SLC12A3: variants seen among roughly 807,000 people sequenced by gnomAD.
The protein encoded by SLC12A3 is solute carrier family 12 member 3.
Under a neutral mutation model 121.0 loss-of-function variants are expected in SLC12A3, and 104 were observed. That is an observed-to-expected ratio of 0.86 (90% CI 0.73 to 1.01). The LOEUF (loss-of-function observed/expected upper bound fraction) is 1.01. SLC12A3 is among the 50% of genes least tolerant of loss of function. The pLI, the probability that SLC12A3 is intolerant of heterozygous loss-of-function variation, is 0.00. For synonymous variants in SLC12A3, 536 were observed against 533.4 expected, an observed-to-expected ratio of 1.00 and a Z score of -0.07; for missense variants, 1,328 against 1,356.3, an observed-to-expected ratio of 0.98 and a Z score of 0.33.
At position 56,872,304 on chromosome 16, in the gene SLC12A3, A is replaced by T. The variant is rs545877604; in HGVS notation, c.853-47A>T. ...CATTTTCTGGCGGGGCTTCCCAGAG[A>T]GGTAGAACAAAACTATCTGACCTCT... On this transcript the variant is annotated intron_variant, in intron 6 of 25. Transcript: ENST00000563236. 8.1e-6 allele frequency: 11 copies of T among 1,358,974 alleles called. No homozygotes were observed. In the East Asian group the frequency reaches 2.3e-4, roughly 28 times the overall value. The allele number at this position is 1,358,974 out of a possible 1,614,324, so 84.2% of individuals were successfully genotyped here.
At chr16:56,868,856 C>T (rs1964422314) in intron 3 of SLC12A3, among the ~76,000 whole-genome samples, 1 of 151,960 alleles carries the variant, frequency 6.6e-6, no homozygotes, top group Non-Finnish European at 1.5e-5. Context: ...GCCTGTAATC[C>T]CAGCTACTCG....
rs561793176 is a variant in SLC12A3, at chr16:56,884,280, G to T, written c.1825+76G>T. Reference sequence around the variant, plus strand: ...GCAGGCGGCCCTGCCCTCCGCCCCAGTTGGAGGGCCCTGAGTCCGGCTCTG... The same window carrying T: ...GCAGGCGGCCCTGCCCTCCGCCCCATTTGGAGGGCCCTGAGTCCGGCTCTG... On this transcript the variant is annotated intron_variant, in intron 14 of 25. Coordinates refer to ENST00000563236, the MANE Select transcript of SLC12A3 (RefSeq NM_001126108.2). The T allele has an allele frequency of 8.1e-5, 121 of 1,492,134 alleles. 1 individual carries two copies. In the South Asian group the frequency reaches 1.3e-3, roughly 16 times the overall value. The allele number at this position is 1,492,134 out of a possible 1,614,324, so 92.4% of individuals were successfully genotyped here.
chr16:56,886,197 G>C (rs1482084545), intron 15 of SLC12A3, among the ~76,000 whole-genome samples, 167 bp from the exon 16 acceptor site: 1 of 152,182 alleles, frequency 6.6e-6, no homozygotes, highest in Non-Finnish European at 1.5e-5. Flanking sequence ...AGCAGGAAGA[G>C]CCCCAAAAGT....
Position 56,899,656 on chromosome 16 carries a change from T to C in SLC12A3, c.2720+40T>C, listed in dbSNP as rs1250243334. 2.1e-6 allele frequency: 3 copies of C among 1,441,500 alleles called. No individual in the cohort carries two copies. The Admixed American group carries it at 5.0e-5, about 24-fold the overall frequency. The allele number at this position is 1,441,500 out of a possible 1,614,324, so 89.3% of individuals were successfully genotyped here. ...GGGGCTTCCAGGCAGAAGGGCCAAC[T>C]GTGTGCCTGGAGACCCCTCTGCCGG... On this transcript the variant is annotated intron_variant, in intron 23 of 25. Coordinates refer to ENST00000563236, the MANE Select transcript of SLC12A3 (RefSeq NM_001126108.2).
At chr16:56,889,616 G>A (rs1450183540) in intron 18 of SLC12A3, among the ~76,000 whole-genome samples, 1 of 152,188 alleles carries the variant, frequency 6.6e-6, no homozygotes, top group East Asian at 1.9e-4. Flanking sequence ...TGTGATTACA[G>A]GTGCCCACCA....
intron 3 of SLC12A3, among the ~76,000 whole-genome samples, chr16:56,869,254 C>T (rs1179642823): frequency 6.6e-6 from 1 of 152,186 alleles, no homozygotes; most frequent in African/African-American, 2.4e-5. Flanking sequence ...GTAGCTTCCC[C>T]TCCATACCTA....
At chr16:56,911,307 TTTTGTTTGTTTGTTTG>T (rs10695057) in intron 25 of SLC12A3, among the ~76,000 whole-genome samples, 1,750 of 148,432 alleles carry the variant, frequency 0.012, 39 homozygotes, top group African/African-American at 0.04. Context: ...TTTTGAGACC[TTTTGTTTGTTTGTTTG>T]TTTGTTTGTT....
intron 12 of SLC12A3, among the ~76,000 whole-genome samples, chr16:56,881,450 G>C (rs183733392): frequency 2.6e-4 from 40 of 152,212 alleles, no homozygotes; most frequent in African/African-American, 8.9e-4. Flanking sequence ...CATCTGGGGG[G>C]GGGTCTGACT....
intron 22 of SLC12A3, among the ~76,000 whole-genome samples, chr16:56,897,925 C>G (rs563661250): frequency 6.6e-6 from 1 of 152,374 alleles, no homozygotes; most frequent in Non-Finnish European, 1.5e-5. Context: ...CAAAATTTCA[C>G]TCCCCAAGAT....
Position 56,882,386 on chromosome 16 carries a change from G to C in SLC12A3, c.1568-10G>C. On this transcript the variant is annotated splice_polypyrimidine_tract_variant and intron_variant, in intron 12 of 25. Coordinates refer to ENST00000563236, the MANE Select transcript of SLC12A3 (RefSeq NM_001126108.2). The stretch of plus-strand genomic sequence containing the variant: ...AACAGGCTGTCCTCTCTCTCCCTGG[G>C]TCCCCGAAGCTGAGCTCAACACCAT... 1 of 1,611,136 alleles carries C rather than the reference G, an allele frequency of 6.2e-7. No homozygotes were observed. The highest frequency in any genetic ancestry group is 1.3e-5 in the African/African-American group (1 of 74,964).
Position 56,873,319 on chromosome 16 carries a change from C to G in SLC12A3, c.1095+533C>G, listed in dbSNP as rs1448971311. ...TTGCCTGTGCTGCGCTCTCTACCTGCAACTCCGTACGCTTGCTTTTTTACC... is the reference window on the plus strand; with the variant it reads ...TTGCCTGTGCTGCGCTCTCTACCTGGAACTCCGTACGCTTGCTTTTTTACC... On this transcript the variant is annotated intron_variant, in intron 8 of 25. Coordinates refer to ENST00000563236, the MANE Select transcript of SLC12A3 (RefSeq NM_001126108.2). Among the ~76,000 whole-genome samples the G allele has an allele frequency of 5.9e-5, 9 of 151,830 alleles. 1 individual carries two copies. The highest frequency in any genetic ancestry group is 5.9e-4 in the Admixed American group (9 of 15,244).
At chr16:56,904,500 C>T (rs1172779529) in intron 25 of SLC12A3, 38 bp downstream of exon 25, 4 of 1,596,742 alleles carry the variant, frequency 2.5e-6, no homozygotes, top group African/African-American at 2.7e-5. Flanking sequence ...CCAGTCTGTC[C>T]AGAGTCAGGT....
At chr16:56,901,345 C>CTTTTTTTTTTTTT (rs1408480661) in intron 23 of SLC12A3, among the ~76,000 whole-genome samples, 882 of 83,932 alleles carry the variant, frequency 0.011, 51 homozygotes, top group African/African-American at 0.05. Context: ...ATCTCTCTCT[C>CTTTTTTTTTTTTT]TCTTTTTTTT....
At chr16:56,871,516 C>A (rs1258165318) in intron 6 of SLC12A3, among the ~76,000 whole-genome samples, 1 of 152,176 alleles carries the variant, frequency 6.6e-6, no homozygotes, top group Non-Finnish European at 1.5e-5. Flanking sequence ...CCTCTCCCCG[C>A]ATTTTCTGAC....
chr16:56,885,842 G>A (rs769398256), intron 15 of SLC12A3, among the ~76,000 whole-genome samples: 29 of 152,126 alleles, frequency 1.9e-4, no homozygotes, highest in Admixed American at 5.2e-4. Flanking sequence ...TACAAGAACC[G>A]GCTGAGGTCC....
chr16:56,893,394 A>T lies in SLC12A3; in HGVS notation c.2521+340A>T, dbSNP rs186377421. ...ACAATGAAATATAACCTCTCCCATT[A>T]AAAAACAAAAAAAGTGACTTTAAGC... On this transcript the variant is annotated intron_variant, in intron 21 of 25. Coordinates refer to ENST00000563236, the MANE Select transcript of SLC12A3 (RefSeq NM_001126108.2). Among the ~76,000 whole-genome samples the T allele has an allele frequency of 9.9e-3, 1,484 of 149,620 alleles. 15 individuals carry two copies. Among genetic ancestry groups the T allele is most frequent in the South Asian group, 0.019 (92 of 4,818 alleles).
intron 18 of SLC12A3, among the ~76,000 whole-genome samples, chr16:56,888,549 ATTTTTTTTTTTTTT>A (rs749206626): frequency 1.2e-5 from 1 of 85,918 alleles, no homozygotes; most frequent in Non-Finnish European, 2.1e-5. Flanking sequence ...AGATCTTTTA[ATTTTTTTTTTTTTT>A]TTTTTTTTTT....
intron 3 of SLC12A3, 94 bp downstream of exon 3, chr16:56,868,466 G>T: frequency 7.7e-7 from 1 of 1,298,326 alleles, no homozygotes; most frequent in South Asian, 1.3e-5. Flanking sequence ...CCCCAAGGTT[G>T]CAGGATTAAA....
intron 12 of SLC12A3, among the ~76,000 whole-genome samples, chr16:56,882,058 AAAAAAG>A (rs373154659): frequency 0.013 from 2,034 of 152,018 alleles, 35 homozygotes; most frequent in African/African-American, 0.044. Flanking sequence ...CAAAAAAAAA[AAAAAAG>A]AAAAGTATTT....
Sources: gnomAD v4.1 joint callset for allele counts (sites outside exome capture counted in the v4.1 genomes callset) on GRCh38, gnomAD v4.1.1 for gene constraint, MANE v1.5 for transcripts, NCBI Gene and HGNC (gene_info 2026-07-23, HGNC 2026-07-21) for gene names.